The following CTNND2 variants were observed in gnomAD, a reference collection of about 807,000 sequenced individuals.
The protein encoded by CTNND2 is catenin delta 2, also known as catenin delta-2.
In CTNND2, 22 loss-of-function variants were observed where a neutral mutation model predicts 144.4. That is an observed-to-expected ratio of 0.15 (90% CI 0.11 to 0.22). CTNND2 has a LOEUF of 0.22. CTNND2 is among the 10% of genes least tolerant of loss of function. CTNND2 has a pLI of 1.00. For synonymous variants in CTNND2, 751 were observed against 695.6 expected, an observed-to-expected ratio of 1.08 and a Z score of -1.25; for missense variants, 1,353 against 1,618.8, an observed-to-expected ratio of 0.84 and a Z score of 2.82.
At chr5:11,147,117 T>C (rs991178178) in intron 12 of CTNND2, among the ~76,000 whole-genome samples, 6 of 152,188 alleles carry the variant, frequency 3.9e-5, no homozygotes, top group African/African-American at 7.2e-5. Context: ...AGATGTTGTT[T>C]TGGGGAAAGA....
chr5:11,260,696 G>T (rs1389791921), intron 9 of CTNND2, among the ~76,000 whole-genome samples: 4 of 152,026 alleles, frequency 2.6e-5, no homozygotes, highest in Non-Finnish European at 4.4e-5. Context: ...ACCACTCAAA[G>T]GTCCCACCTC....
At chr5:11,122,362 C>G (rs576853242) in intron 12 of CTNND2, among the ~76,000 whole-genome samples, 1 of 152,210 alleles carries the variant, frequency 6.6e-6, no homozygotes, top group Non-Finnish European at 1.5e-5. Context: ...TGGAGCCAGT[C>G]AGATATTTCC....
At chr5:11,550,501 C>A (rs998838594) in intron 3 of CTNND2, among the ~76,000 whole-genome samples, 13 of 152,192 alleles carry the variant, frequency 8.5e-5, no homozygotes, top group South Asian at 4.1e-4. Flanking sequence ...GCAGTCAATG[C>A]CTTGGACAGA....
chr5:11,453,632 G>C (rs1765476906), intron 3 of CTNND2, among the ~76,000 whole-genome samples: 1 of 152,098 alleles, frequency 6.6e-6, no homozygotes, highest in Non-Finnish European at 1.5e-5. Context: ...ATTTTGGTTT[G>C]GGTATATTCA....
chr5:10,987,663 TC>T (rs1738160544), intron 20 of CTNND2, among the ~76,000 whole-genome samples: 1 of 13,176 alleles, frequency 7.6e-5, no homozygotes, highest in Non-Finnish European at 1.5e-4. Context: ...CCCTCCCCAC[TC>T]CCCTCTCCTC....
At chr5:11,201,310 C>T (rs183880655) in intron 10 of CTNND2, among the ~76,000 whole-genome samples, 1,594 of 152,260 alleles carry the variant, frequency 0.01, 11 homozygotes, top group Non-Finnish European at 0.017. Context: ...TAATATATTA[C>T]TTGCTACGTT....
At chr5:11,020,324 AC>A (rs11299497) in intron 17 of CTNND2, among the ~76,000 whole-genome samples, 12,758 of 152,138 alleles carry the variant, frequency 0.084, 1,686 homozygotes, top group African/African-American at 0.29. Context: ...GTTTTCCCAT[AC>A]TATCACAAAT....
chr5:11,351,606 A>G (rs1755347510), intron 8 of CTNND2, among the ~76,000 whole-genome samples: 1 of 152,218 alleles, frequency 6.6e-6, no homozygotes, highest in Non-Finnish European at 1.5e-5. Context: ...TATGATAGAT[A>G]ATTGCAAGCA....
intron 9 of CTNND2, among the ~76,000 whole-genome samples, chr5:11,335,445 C>T (rs759205506): frequency 5.9e-5 from 9 of 152,148 alleles, no homozygotes; most frequent in Non-Finnish European, 1.0e-4. Context: ...TGACTTAGGA[C>T]ATCAAGCCAA....
At chr5:11,890,404 G>A (rs369989887) in intron 1 of CTNND2, among the ~76,000 whole-genome samples, 1 of 152,256 alleles carries the variant, frequency 6.6e-6, no homozygotes, top group African/African-American at 2.4e-5. Context: ...GAGGCAAAAA[G>A]CACTATATTA....
At position 11,498,682 on chromosome 5, in the gene CTNND2, G is replaced by A. The variant is rs765385058; in HGVS notation, c.287+66262C>T. On this transcript the variant is annotated intron_variant, in intron 3 of 21. Transcript: ENST00000304623. Reference sequence around the variant, plus strand: ...CAATAAAATGCTGGCAGTTAAAGCTGCTGCTTTGGCCCTTCGCGTATAGCT... The same window carrying A: ...CAATAAAATGCTGGCAGTTAAAGCTACTGCTTTGGCCCTTCGCGTATAGCT... Among the ~76,000 whole-genome samples, 178 of 152,282 alleles carry A rather than the reference G, an allele frequency of 1.2e-3. 1 individual carries two copies. Among genetic ancestry groups the A allele is most frequent in the Non-Finnish European group, 2.9e-4 (20 of 68,026 alleles).
chr5:11,264,933 T>TA (rs1263715535), intron 9 of CTNND2, among the ~76,000 whole-genome samples: 4 of 151,932 alleles, frequency 2.6e-5, no homozygotes, highest in African/African-American at 9.7e-5. Context: ...CCCGTCTCAT[T>TA]AAAAAATAAA....
intron 3 of CTNND2, among the ~76,000 whole-genome samples, chr5:11,436,765 T>G (rs535671199): frequency 7.2e-5 from 11 of 152,258 alleles, no homozygotes; most frequent in Non-Finnish European, 1.5e-4. Flanking sequence ...TGGCACTGAT[T>G]ACTTTCAAGC....
At chr5:11,141,772 T>C (rs933679445) in intron 12 of CTNND2, among the ~76,000 whole-genome samples, 1 of 152,224 alleles carries the variant, frequency 6.6e-6, no homozygotes, top group Non-Finnish European at 1.5e-5. Context: ...CAGATGAATA[T>C]GAATGGCTGC....
chr5:11,309,801 G>A (rs1750613121), intron 9 of CTNND2, among the ~76,000 whole-genome samples: 1 of 152,166 alleles, frequency 6.6e-6, no homozygotes, highest in South Asian at 2.1e-4. Context: ...TGTTGGAGGA[G>A]GGGCTTGCTG....
intron 9 of CTNND2, among the ~76,000 whole-genome samples, chr5:11,241,097 C>T (rs1742386461): frequency 1.3e-5 from 2 of 151,444 alleles, no homozygotes; most frequent in Non-Finnish European, 2.9e-5. Flanking sequence ...CCAATACACA[C>T]ACCCAACATG....
In CTNND2 at chr5:11,222,871, C is replaced by T. The variant is rs183497567; in HGVS notation, c.1761+13820G>A. Reference sequence around the variant, plus strand: ...ATCCTTTCCCCCTCCCCATCTCCAACATCCCACCTCCTGAAGCAGGCTGGA... The same window carrying T: ...ATCCTTTCCCCCTCCCCATCTCCAATATCCCACCTCCTGAAGCAGGCTGGA... On this transcript the variant is annotated intron_variant, in intron 10 of 21. Transcript: ENST00000304623. Among the ~76,000 whole-genome samples, 155 of 152,326 alleles carry T rather than the reference C, an allele frequency of 1.0e-3. 2 individuals carry two copies. Among genetic ancestry groups the T allele is most frequent in the Middle Eastern group, 3.4e-3 (1 of 294 alleles).
chr5:11,662,150 T>TATATGTGTGTATATATGTGTATATATAC (rs1561668768), intron 2 of CTNND2, among the ~76,000 whole-genome samples: 2 of 113,170 alleles, frequency 1.8e-5, no homozygotes, highest in African/African-American at 9.3e-5. Context: ...TATATACACA[T>TATATGTGTGTATATATGTGTATATATAC]ATATATGTGT....
chr5:11,295,285 G>A (rs1363843965), intron 9 of CTNND2, among the ~76,000 whole-genome samples: 1 of 152,072 alleles, frequency 6.6e-6, no homozygotes, highest in East Asian at 1.9e-4. Flanking sequence ...GGGACGTGAA[G>A]GACCTCTTCA....
Sources: allele counts gnomAD v4.1 joint callset (sites outside exome capture counted in the v4.1 genomes callset), GRCh38; gene constraint gnomAD v4.1.1; transcripts MANE v1.5; gene names NCBI Gene and HGNC (gene_info 2026-07-23, HGNC 2026-07-21).